Variants in ARHGAP10 observed in about 807,000 individuals in gnomAD.
The protein encoded by ARHGAP10 is Rho GTPase activating protein 10, also known as rho GTPase-activating protein 10.
Under a neutral mutation model 108.6 loss-of-function variants are expected in ARHGAP10, and 87 were observed. That is an observed-to-expected ratio of 0.80 (90% confidence interval 0.67 to 0.96). The LOEUF is 0.96. ARHGAP10 is among the 40% of genes least tolerant of loss of function. The pLI is 0.00. For synonymous variants in ARHGAP10, 347 were observed against 341.1 expected, an observed-to-expected ratio of 1.02 and a Z score of -0.19; for missense variants, 939 against 954.5, an observed-to-expected ratio of 0.98 and a Z score of 0.21.
chr4:148,030,933 C>T (rs567545741), intron 19 of ARHGAP10, among the ~76,000 whole-genome samples: 1 of 151,998 alleles, frequency 6.6e-6, no homozygotes, highest in Admixed American at 6.5e-5. Flanking sequence ...GTGGCTCACT[C>T]CTATAATCCC....
intron 15 of ARHGAP10, among the ~76,000 whole-genome samples, chr4:147,951,376 C>T (rs924746523): frequency 6.8e-6 from 1 of 146,620 alleles, no homozygotes. Flanking sequence ...GCCCTTCTTT[C>T]TCCTTATTTA....
rs1553967098 is a variant in ARHGAP10, at chr4:147,969,345, T to TG, written c.1716+2507dup. Among the ~76,000 whole-genome samples, 361 of 129,140 alleles carry TG rather than the reference T, an allele frequency of 2.8e-3. 5 individuals are homozygous for TG. The highest frequency in any genetic ancestry group is 0.011 in the African/African-American group (335 of 30,492). The allele number at this position is 129,140 out of a possible 152,430, so 84.7% of individuals were successfully genotyped here. On this transcript the variant is annotated intron_variant, in intron 18 of 22. Coordinates refer to ENST00000336498, the MANE Select transcript of ARHGAP10 (RefSeq NM_024605.4). ...TTGCCTTTTTTTTTTTTTTTTTTTT[T>TG]GCCAGTGGTGGTGAATTTATGCCTC...
At chr4:147,805,505 A>G (rs555184487) in intron 1 of ARHGAP10, among the ~76,000 whole-genome samples, 6 of 152,340 alleles carry the variant, frequency 3.9e-5, no homozygotes, top group Non-Finnish European at 7.3e-5. Flanking sequence ...AATTCTATGA[A>G]GAATGTCAAT....
rs553592346 is a variant in ARHGAP10, at chr4:147,881,409, G to A, written c.940-429G>A. Among the ~76,000 whole-genome samples, 51 of 152,262 alleles carry A rather than the reference G, an allele frequency of 3.3e-4. 1 individual carries two copies. The highest frequency in any genetic ancestry group is 2.1e-3 in the Admixed American group (32 of 15,296). ...TCCCAGCACTTTGGGAGGCTGAGGC[G>A]GGTGGATCATCTGAGGTCAGGAGAT... On this transcript the variant is annotated intron_variant, in intron 9 of 22. Coordinates refer to ENST00000336498, the MANE Select transcript of ARHGAP10 (RefSeq NM_024605.4).
chr4:147,758,066 C>A (rs1052566158), intron 1 of ARHGAP10, among the ~76,000 whole-genome samples: 1 of 152,086 alleles, frequency 6.6e-6, no homozygotes, highest in African/African-American at 2.4e-5. Context: ...TTGGTGAGAC[C>A]AGCCTGGCCA....
At chr4:147,974,245 A>C (rs1739513754) in intron 18 of ARHGAP10, among the ~76,000 whole-genome samples, 1 of 152,014 alleles carries the variant, frequency 6.6e-6, no homozygotes, top group African/African-American at 2.4e-5. Flanking sequence ...ATGACATCTC[A>C]TTGTAGTTTT....
chr4:147,789,377 C>T (rs565515103), intron 1 of ARHGAP10, among the ~76,000 whole-genome samples: 1 of 152,332 alleles, frequency 6.6e-6, no homozygotes, highest in East Asian at 1.9e-4. Context: ...GCTACCTCTG[C>T]CTCCCCGGTT....
At chr4:147,990,712 A>G (rs1480589781) in intron 18 of ARHGAP10, among the ~76,000 whole-genome samples, 1 of 152,226 alleles carries the variant, frequency 6.6e-6, no homozygotes, top group Non-Finnish European at 1.5e-5. Flanking sequence ...TATGAACAGG[A>G]GCCAAACATT....
rs887018558 is a variant in ARHGAP10 at position 147,784,255 on chromosome 4, T to C, written c.155-38472T>C. On this transcript the variant is annotated intron_variant, in intron 1 of 22. Transcript: ENST00000336498. ...ATTATATAATTTACATAACATTAAA[T>C]TGTGTATTATATAATTTACATAACA... 2.2e-5 allele frequency among the ~76,000 whole-genome samples: 3 copies of C among 133,510 alleles called. No homozygotes were observed. In the East Asian group the frequency reaches 6.5e-4, roughly 29 times the overall value. The allele number at this position is 133,510 out of a possible 152,430, so 87.6% of individuals were successfully genotyped here. A position where few individuals can be genotyped will look rare whatever the true frequency, so the allele number is the denominator to read the frequency against.
intron 18 of ARHGAP10, among the ~76,000 whole-genome samples, chr4:147,974,023 A>G (rs959907655): frequency 1.3e-5 from 2 of 152,138 alleles, no homozygotes; most frequent in African/African-American, 2.4e-5. Flanking sequence ...TCTCTTTGAT[A>G]TACTGATTTC....
At chr4:147,994,564 A>C (rs570237227) in intron 18 of ARHGAP10, among the ~76,000 whole-genome samples, 36 of 152,380 alleles carry the variant, frequency 2.4e-4, no homozygotes, top group Non-Finnish European at 4.9e-4. Flanking sequence ...TCATATAAAG[A>C]AACAGTTGAC....
intron 18 of ARHGAP10, among the ~76,000 whole-genome samples, chr4:148,006,817 C>T (rs1740969691): frequency 6.6e-6 from 1 of 152,208 alleles, no homozygotes; most frequent in Admixed American, 6.5e-5. Flanking sequence ...CATATTGTCT[C>T]ACCCTATCAA....
At chr4:147,898,530 G>A (rs1736091864) in intron 10 of ARHGAP10, among the ~76,000 whole-genome samples, 2 of 151,406 alleles carry the variant, frequency 1.3e-5, no homozygotes, top group Admixed American at 6.6e-5. Flanking sequence ...CTTACTGCCC[G>A]GTTTAGAAAA....
At chr4:147,968,801 T>A (rs1271779638) in intron 18 of ARHGAP10, among the ~76,000 whole-genome samples, 7 of 152,220 alleles carry the variant, frequency 4.6e-5, no homozygotes, top group South Asian at 2.1e-4. Flanking sequence ...AAGATTTTTT[T>A]AAATTGAGAT....
At chr4:147,964,917 G>A (rs981712833) in intron 16 of ARHGAP10, 107 bp from the exon 17 acceptor site, 4 of 697,956 alleles carry the variant, frequency 5.7e-6, no homozygotes, top group Non-Finnish European at 8.8e-6. Context: ...CTTGAACAGA[G>A]GAGCTGTTGT....
At chr4:148,031,841 G>GT (rs1432354535) in intron 19 of ARHGAP10, among the ~76,000 whole-genome samples, 2 of 152,162 alleles carry the variant, frequency 1.3e-5, no homozygotes, top group Non-Finnish European at 1.5e-5. Flanking sequence ...ATCCAGGCCT[G>GT]TTTTTTTATG....
chr4:147,766,840 T>TATA (rs1560747076), intron 1 of ARHGAP10, among the ~76,000 whole-genome samples: 10 of 107,124 alleles, frequency 9.3e-5, no homozygotes, highest in African/African-American at 3.7e-4. Flanking sequence ...ATATATATAT[T>TATA]TATTTATTTA....
At position 147,879,223 on chromosome 4, in the gene ARHGAP10, T is replaced by C. The variant is rs745690606; in HGVS notation, c.833-9T>C. 1 of 1,606,554 alleles carries C rather than the reference T, an allele frequency of 6.2e-7. No homozygotes were observed. On this transcript the variant is annotated splice_polypyrimidine_tract_variant and intron_variant, in intron 8 of 22. Transcript: ENST00000336498. ...AGGGAAAATATAAAGGGCTGTTTTT[T>C]TGTTGAAGGGCCTGCTCCGTTTGGT...
At chr4:147,961,327 A>C (rs992775713) in intron 16 of ARHGAP10, among the ~76,000 whole-genome samples, 1 of 152,130 alleles carries the variant, frequency 6.6e-6, no homozygotes, top group Non-Finnish European at 1.5e-5. Context: ...TTTTTTGGTC[A>C]CTGGAATAAA....
Sources: gnomAD v4.1 joint callset for allele counts (sites outside exome capture counted in the v4.1 genomes callset) on GRCh38, gnomAD v4.1.1 for gene constraint, MANE v1.5 for transcripts, NCBI Gene and HGNC (gene_info 2026-07-23, HGNC 2026-07-21) for gene names.